Variants in CP observed in about 807,000 individuals in gnomAD.
CP encodes the protein ceruloplasmin.
In CP, 64 loss-of-function variants were observed where a neutral mutation model predicts 122.4. The observed-to-expected ratio is 0.52, with a 90% CI of 0.43 to 0.64. The LOEUF is 0.64. Ranked by LOEUF, CP falls within the 30% of genes least tolerant of loss-of-function variation. The pLI is 0.00. For missense variants in CP, 1,167 were observed against 1,284.4 expected (o/e 0.91, Z 1.40); for synonymous variants, 440 against 436.4 (o/e 1.01, Z -0.10).
Position 149,209,373 on chromosome 3 carries a change from T to C in CP, c.619A>G (p.Lys207Glu), listed in dbSNP as rs1727958530. The change falls in exon 4 of 19, where the codon AAA (lysine) becomes GAA (glutamate). Residue 207 changes from lysine (K) to glutamate (E), a missense_variant. Lys to Glu is a moderately conservative substitution (Grantham distance 56). Transcript: ENST00000264613. ...CGGTCAATATGTTTTTCTTTTTCTTTATCTAGAGAATCTGGAGTTAAAGTT... is the reference window on the plus strand; with the variant it reads ...CGGTCAATATGTTTTTCTTTTTCTTCATCTAGAGAATCTGGAGTTAAAGTT... Reference protein sequence around the residue: ...LIICKKDSLDKEKEKHIDREF... With the variant: ...LIICKKDSLDEEKEKHIDREF... 2 of 1,613,254 alleles carry C rather than the reference T, an allele frequency of 1.2e-6. No homozygotes were observed. Among genetic ancestry groups the C allele is most frequent in the South Asian group, 1.1e-5 (1 of 90,994 alleles).
intron 5 of CP, among the ~76,000 whole-genome samples, chr3:149,163,081 G>A (rs989936990): frequency 6.6e-6 from 1 of 152,176 alleles, no homozygotes; most frequent in Non-Finnish European, 1.5e-5. Flanking sequence ...TCTAAAGAAT[G>A]TCCTCTACTT....
downstream of CP, chr3:149,172,353 CACAT>C (rs1471533823): frequency 9.1e-5 from 63 of 691,448 alleles, no homozygotes; most frequent in African/African-American, 9.5e-4. Flanking sequence ...CACACACACA[CACAT>C]ATATGATACA....
chr3:149,195,908 G>GT (rs1726872507), intron 9 of CP, among the ~76,000 whole-genome samples: 1 of 151,398 alleles, frequency 6.6e-6, no homozygotes, highest in Admixed American at 6.6e-5. Flanking sequence ...AAAAAAAAAG[G>GT]TAACTATGTG....
At chr3:149,216,082 G>A (rs568492205) in intron 1 of CP, among the ~76,000 whole-genome samples, 1 of 152,286 alleles carries the variant, frequency 6.6e-6, no homozygotes, top group African/African-American at 2.4e-5. Context: ...GGTATTATAG[G>A]TGAAAAGTTT....
intron 5 of CP, 73 bp from the exon 6 acceptor site, chr3:149,206,412 C>T (rs1162990177): frequency 9.4e-5 from 145 of 1,543,484 alleles, no homozygotes; most frequent in Non-Finnish European, 1.8e-5. Context: ...GTAAACACTG[C>T]TCGGGTGATG....
At position 149,212,130 on chromosome 3, in the gene CP, A is replaced by G. The variant is rs143480017; in HGVS notation, c.394+321T>C. ...AACACGGTGAAACCCCGTCTCTACT[A>G]AAAATGCAAAAAAAAAATAAAAATA... On this transcript the variant is annotated intron_variant, in intron 2 of 18. Transcript: ENST00000264613. Among the ~76,000 whole-genome samples the G allele has an allele frequency of 4.0e-5, 6 of 151,882 alleles. No individual in the cohort carries two copies. In the East Asian group the frequency reaches 1.2e-3, roughly 29 times the overall value.
Position 149,202,172 on chromosome 3 carries a change from A to T in CP, c.1278T>A (p.Arg426=). 1 of 1,614,158 alleles carries T rather than the reference A, an allele frequency of 6.2e-7. No individual in the cohort carries two copies. The highest frequency in any genetic ancestry group is 8.5e-7 in the Non-Finnish European group (1 of 1,180,014). ...IGGSYKKLVY[R]EYTDASFTNR... ...TTGTGAAGGAGGCATCTGTGTACTCACGATAAACCAGCTTTTTATAAGAGC... is the reference window on the plus strand; with the variant it reads ...TTGTGAAGGAGGCATCTGTGTACTCTCGATAAACCAGCTTTTTATAAGAGC... Residue 426 remains arginine, a synonymous_variant, in exon 7 of 19, where the codon CGT becomes CGA. Transcript: ENST00000264613.
At chr3:149,170,226 G>T (rs1177662159), downstream of CP, among the ~76,000 whole-genome samples, 1 of 152,140 alleles carries the variant, frequency 6.6e-6, no homozygotes, top group East Asian at 1.9e-4. Context: ...CTCCTTATTT[G>T]GGAGAAGAGG....
intron 6 of CP, among the ~76,000 whole-genome samples, chr3:149,205,881 G>A (rs1046536896): frequency 6.6e-6 from 1 of 152,144 alleles, no homozygotes; most frequent in Non-Finnish European, 1.5e-5. Context: ...ACAGTGCCAC[G>A]TTTTCTGAAA....
chr3:149,196,714 G>A (rs1012343576), intron 9 of CP, among the ~76,000 whole-genome samples: 12 of 151,432 alleles, frequency 7.9e-5, no homozygotes, highest in African/African-American at 2.9e-4. Context: ...TTAAATCCAC[G>A]AGTGCACAAT....
chr3:149,186,145 A>G (rs370808204), intron 11 of CP: 4 of 304,092 alleles, frequency 1.3e-5, no homozygotes, highest in South Asian at 1.1e-4. Flanking sequence ...AGCCAACACT[A>G]CATCTAGGCT....
intron 13 of CP, among the ~76,000 whole-genome samples, chr3:149,182,809 G>T (rs993719032): frequency 6.6e-6 from 1 of 151,924 alleles, no homozygotes; most frequent in Non-Finnish European, 1.5e-5. Context: ...AAAGTAAATA[G>T]CTGTAATTTG....
chr3:149,162,775 T>C lies in CP; in HGVS notation c.*114A>G, dbSNP rs144099522. On this transcript the variant is annotated 3_prime_UTR_variant, in exon 6 of 6. Coordinates refer to the CP transcript ENST00000479771. Reference sequence around the variant, plus strand: ...CAGCTAGTGGCATGTCTCCCAGATGTGGTACTTCAGGAACTCTTTTTCAAA... The same window carrying C: ...CAGCTAGTGGCATGTCTCCCAGATGCGGTACTTCAGGAACTCTTTTTCAAA... 721 of 1,613,938 alleles carry C rather than the reference T, an allele frequency of 4.5e-4. 1 individual carries two copies. Among genetic ancestry groups the C allele is most frequent in the Non-Finnish European group, 4.8e-4 (565 of 1,179,938 alleles).
chr3:149,186,792 C>G (rs893295307), intron 10 of CP, 60 bp from the exon 11 acceptor site: 3 of 1,507,858 alleles, frequency 2.0e-6, no homozygotes, highest in African/African-American at 2.7e-5. Context: ...ATGACAACCT[C>G]ACAGACTTTC....
chr3:149,185,205 T>G, intron 12 of CP, 34 bp downstream of exon 12: 2 of 1,607,054 alleles, frequency 1.2e-6, no homozygotes, highest in Non-Finnish European at 1.7e-6. Flanking sequence ...CTAAAATTAC[T>G]GCTGAAATTG....
intron 5 of CP, among the ~76,000 whole-genome samples, chr3:149,165,187 T>C (rs942570700): frequency 6.6e-6 from 1 of 152,220 alleles, no homozygotes; most frequent in African/African-American, 2.4e-5. Flanking sequence ...GAGCATGTGC[T>C]GTAGATGTAT....
rs369045302 is a variant in CP, at chr3:149,162,673, C to A, written c.*216G>T. On this transcript the variant is annotated 3_prime_UTR_variant, in exon 6 of 6. Coordinates refer to the CP transcript ENST00000479771. ...ATATTTATCTGGAATATAGAGGCTC[C>A]TTTTACTGTTTTTAAGGTGCTTTGT... 4 of 1,613,598 alleles carry A rather than the reference C, an allele frequency of 2.5e-6. No individual in the cohort carries two copies. The African/African-American group carries it at 4.0e-5, about 16-fold the overall frequency.
At chr3:149,175,815 G>A (rs1298195353) in intron 18 of CP, among the ~76,000 whole-genome samples, 1 of 152,056 alleles carries the variant, frequency 6.6e-6, no homozygotes, top group Non-Finnish European at 1.5e-5. Flanking sequence ...GCACAGAAAA[G>A]ACACTGCCTA....
chr3:149,180,031 G>C (rs1725676026), intron 14 of CP: 1 of 267,338 alleles, frequency 3.7e-6, no homozygotes, highest in African/African-American at 2.2e-5. Flanking sequence ...CAGATACCAA[G>C]TGATTTTTCC....
Sources: allele counts gnomAD v4.1 joint callset (sites outside exome capture counted in the v4.1 genomes callset), GRCh38; gene constraint gnomAD v4.1.1; transcripts MANE v1.5; gene names NCBI Gene and HGNC (gene_info 2026-07-23, HGNC 2026-07-21).